FAM222A: variants seen among roughly 807,000 people sequenced by gnomAD.
FAM222A encodes family with sequence similarity 222 member A.
Under a neutral mutation model 25.8 loss-of-function variants are expected in FAM222A, and 7 were observed. The observed-to-expected ratio is 0.27, with a 90% CI of 0.15 to 0.51. The LOEUF (loss-of-function observed/expected upper bound fraction) is 0.51, where lower values mean the gene tolerates loss of function less well. Among genes scored for constraint, FAM222A ranks in the 20% least tolerant of loss-of-function variants. The pLI is 0.97. For synonymous variants in FAM222A, 294 were observed against 298.8 expected (o/e 0.98, Z 0.17); for missense variants, 573 against 640.5 (o/e 0.89, Z 1.14).
intron 1 of FAM222A, among the ~76,000 whole-genome samples, chr12:109,732,927 G>GAGAC (rs1473202669): frequency 3.9e-5 from 6 of 152,250 alleles, no homozygotes; most frequent in African/African-American, 1.4e-4. Flanking sequence ...TCCAGTGGAA[G>GAGAC]AGACAGACAC....
At chr12:109,751,859 C>T (rs1364295621) in intron 2 of FAM222A, among the ~76,000 whole-genome samples, 1 of 152,176 alleles carries the variant, frequency 6.6e-6, no homozygotes, top group Non-Finnish European at 1.5e-5. Flanking sequence ...CCTACTTGAT[C>T]TCTGCTACTA....
At chr12:109,732,753 C>T (rs1887977865) in intron 1 of FAM222A, among the ~76,000 whole-genome samples, 1 of 152,176 alleles carries the variant, frequency 6.6e-6, no homozygotes, top group Admixed American at 6.5e-5. Flanking sequence ...CACACACACA[C>T]ATACATTCCA....
At chr12:109,756,409 T>TTG (rs61352533) in intron 2 of FAM222A, among the ~76,000 whole-genome samples, 1 of 119,686 alleles carries the variant, frequency 8.4e-6, no homozygotes. Context: ...TTTTTTTTTT[T>TTG]GTCTAATTGC....
At chr12:109,756,714 A>G (rs1362707558) in intron 2 of FAM222A, among the ~76,000 whole-genome samples, 1 of 152,144 alleles carries the variant, frequency 6.6e-6, no homozygotes, top group East Asian at 1.9e-4. Flanking sequence ...TGGTCATGGT[A>G]TATAGTCCTT....
At position 109,724,828 on chromosome 12, in the gene FAM222A, T is replaced by TTGAA. The variant is rs541165380; in HGVS notation, c.-47+9944_-47+9947dup. Among the ~76,000 whole-genome samples the TTGAA allele has an allele frequency of 4.1e-4, 62 of 152,212 alleles. 3 individuals are homozygous for TTGAA. The South Asian group carries it at 0.011, about 27-fold the overall frequency. On this transcript the variant is annotated intron_variant, in intron 1 of 2. Coordinates refer to ENST00000538780, the MANE Select transcript of FAM222A (RefSeq NM_032829.3). ...AAGTTTCTAATTGGAACACCCAATG[T>TTGAA]TGAATGAATGAATGAACGAGTGAGT...
intron 1 of FAM222A, among the ~76,000 whole-genome samples, chr12:109,727,335 T>C (rs1887862344): frequency 6.6e-6 from 1 of 152,070 alleles, no homozygotes; most frequent in African/African-American, 2.4e-5. Context: ...GAGGGGGTGC[T>C]GCCAGCTGCC....
chr12:109,721,937 G>C (rs527269547), intron 1 of FAM222A, among the ~76,000 whole-genome samples: 2 of 152,288 alleles, frequency 1.3e-5, no homozygotes, highest in African/African-American at 2.4e-5. Flanking sequence ...GGGAACTGAG[G>C]CTTGGCTCAG....
chr12:109,758,577 C>T (rs572237136), intron 2 of FAM222A, among the ~76,000 whole-genome samples: 20 of 152,270 alleles, frequency 1.3e-4, no homozygotes, highest in East Asian at 3.9e-4. Flanking sequence ...GCCACTCCTG[C>T]CCCTCCCCAC....
intron 2 of FAM222A, among the ~76,000 whole-genome samples, chr12:109,767,319 GGAGT>G (rs1467137929): frequency 6.6e-6 from 1 of 152,056 alleles, no homozygotes; most frequent in Admixed American, 6.5e-5. Flanking sequence ...CTTGAGCTCA[GGAGT>G]TTAAGACTGG....
chr12:109,725,499 G>A (rs563512044), intron 1 of FAM222A, among the ~76,000 whole-genome samples: 1 of 144,206 alleles, frequency 6.9e-6, no homozygotes, highest in Admixed American at 7.4e-5. Flanking sequence ...GTGTGTGCCA[G>A]CAGCCGGGCC....
intron 1 of FAM222A, among the ~76,000 whole-genome samples, chr12:109,725,322 G>A (rs192666691): frequency 3.7e-4 from 56 of 152,256 alleles, no homozygotes; most frequent in African/African-American, 1.3e-3. Context: ...TCACAGATGA[G>A]TAAACTGAGG....
At chr12:109,748,334 C>CTTT (rs61492433) in intron 2 of FAM222A, among the ~76,000 whole-genome samples, 6 of 81,650 alleles carry the variant, frequency 7.3e-5, no homozygotes, top group African/African-American at 1.2e-4. Flanking sequence ...GGTTTTCTTT[C>CTTT]TTTTTTTTTT....
intron 2 of FAM222A, among the ~76,000 whole-genome samples, chr12:109,767,605 A>T (rs1047502010): frequency 1.3e-5 from 2 of 152,222 alleles, no homozygotes; most frequent in African/African-American, 4.8e-5. Flanking sequence ...TGACTCTCAC[A>T]TAGTATGAAG....
At chr12:109,752,333 AG>A (rs1888585561) in intron 2 of FAM222A, among the ~76,000 whole-genome samples, 1 of 152,286 alleles carries the variant, frequency 6.6e-6, no homozygotes, top group Admixed American at 6.5e-5. Context: ...CACAGGAAAC[AG>A]GAAGGCAGGA....
intron 1 of FAM222A, among the ~76,000 whole-genome samples, chr12:109,729,395 G>A (rs767821455): frequency 2.8e-4 from 42 of 152,090 alleles, no homozygotes; most frequent in Admixed American, 1.0e-3. Context: ...CCCCATCCCC[G>A]GCCAGCAAGA....
intron 2 of FAM222A, among the ~76,000 whole-genome samples, chr12:109,756,818 AT>A (rs1888745962): frequency 1.3e-5 from 2 of 152,102 alleles, no homozygotes; most frequent in African/African-American, 4.8e-5. Flanking sequence ...TTTGTGTGTA[AT>A]ATCTTTGTCT....
chr12:109,768,349 C>A lies in FAM222A; in HGVS notation c.420C>A (p.Ala140=). The A allele has an allele frequency of 6.3e-7, 1 of 1,596,376 alleles. No homozygotes were observed. The highest frequency in any genetic ancestry group is 8.5e-7 in the Non-Finnish European group (1 of 1,174,780). Residue 140 remains alanine (A), a synonymous_variant, in exon 3 of 3, where the codon GCC becomes GCA. Transcript: ENST00000538780. The part of the protein sequence containing the change: ...EGKRTKLSPA[A]VQVGIAPYPV... ...AGCGGACCAAGCTGTCACCGGCCGCCGTGCAGGTGGGCATTGCGCCCTACC... is the reference window on the plus strand; with the variant it reads ...AGCGGACCAAGCTGTCACCGGCCGCAGTGCAGGTGGGCATTGCGCCCTACC...
intron 2 of FAM222A, among the ~76,000 whole-genome samples, chr12:109,748,526 G>C (rs2136353988): frequency 6.6e-6 from 1 of 152,096 alleles, no homozygotes; most frequent in South Asian, 2.1e-4. Context: ...GGGTGAGTGG[G>C]TAGCTCTTTG....
At chr12:109,747,417 G>A (rs771999054) in intron 2 of FAM222A, among the ~76,000 whole-genome samples, 5 of 152,188 alleles carry the variant, frequency 3.3e-5, no homozygotes, top group Admixed American at 2.0e-4. Flanking sequence ...TTAGTATTTG[G>A]TAGAGGTTGT....
Sources: allele counts gnomAD v4.1 joint callset (sites outside exome capture counted in the v4.1 genomes callset), GRCh38; gene constraint gnomAD v4.1.1; transcripts MANE v1.5; gene names NCBI Gene and HGNC (gene_info 2026-07-23, HGNC 2026-07-21).